The following TM6SF1 variants were observed in gnomAD, a reference collection of about 807,000 sequenced individuals.
The protein encoded by TM6SF1 is transmembrane 6 superfamily member 1.
In TM6SF1, 43 loss-of-function variants were observed where a neutral mutation model predicts 47.1. The ratio of observed to expected loss-of-function variants is 0.91; its 90% CI spans 0.72 to 1.18. TM6SF1 has a LOEUF of 1.18. Ranked by LOEUF, TM6SF1 falls within the 50% of genes most tolerant of loss-of-function variation. The pLI, the probability that TM6SF1 is intolerant of heterozygous loss-of-function variation, is 0.00. For missense variants in TM6SF1, 390 were observed against 449.0 expected (o/e 0.87, Z 1.19); for synonymous variants, 177 against 166.3 (o/e 1.06, Z -0.49).
At chr15:83,114,079 T>G (rs536426965) in intron 2 of TM6SF1, 18 of 152,382 alleles carry the variant, frequency 1.2e-4, no homozygotes, top group Admixed American at 9.8e-4. Flanking sequence ...AAGGCCCACA[T>G]GCCTTTTCCT....
chr15:83,108,247 G>A (rs1398455281), intron 1 of TM6SF1, among the ~76,000 whole-genome samples: 1 of 152,152 alleles, frequency 6.6e-6, no homozygotes, highest in Non-Finnish European at 1.5e-5. Flanking sequence ...AGCAGAAATA[G>A]CCCGGAACCA....
intron 4 of TM6SF1, among the ~76,000 whole-genome samples, chr15:83,120,364 A>G (rs1322056110): frequency 3.9e-5 from 6 of 152,190 alleles, no homozygotes; most frequent in Admixed American, 1.3e-4. Context: ...CCATGGTGGC[A>G]CACCCACAGC....
intron 3 of TM6SF1, among the ~76,000 whole-genome samples, chr15:83,118,264 CAT>C (rs1319747551): frequency 4.5e-4 from 65 of 145,864 alleles, no homozygotes; most frequent in South Asian, 1.5e-3. Context: ...CACACACACA[CAT>C]ACAGAGAGAG....
rs752875343 is a variant in TM6SF1 at position 83,126,852 on chromosome 15, A to G, written c.801+5A>G. On this transcript the variant is annotated splice_donor_5th_base_variant and intron_variant, in intron 8 of 9. Transcript: ENST00000322019. ...GCTGCTTATCCTAAAATTCAGGTCA[A>G]GTAGTTATGAAGCCTAAGATTTTTC... The G allele has an allele frequency of 2.5e-6, 4 of 1,603,514 alleles. No homozygotes were observed. Among genetic ancestry groups the G allele is most frequent in the Non-Finnish European group, 3.4e-6 (4 of 1,173,528 alleles).
chr15:83,135,477 AT>A (rs910595055), intron 9 of TM6SF1: 4 of 152,164 alleles, frequency 2.6e-5, no homozygotes, highest in African/African-American at 9.7e-5. Flanking sequence ...CCAATCCTTT[AT>A]TCATGTGTAT....
rs2035786351 is a variant in TM6SF1, at chr15:83,126,741, A to C, written c.709-14A>C. 6.2e-7 allele frequency: 1 copy of C among 1,601,670 alleles called. No homozygotes were observed. The highest frequency in any genetic ancestry group is 1.3e-5 in the African/African-American group (1 of 74,332). ...GTGATTGTATTTTTATAATGAGTTT[A>C]TTTTTGTCCTTAGATTGCTTTGGAT... On this transcript the variant is annotated splice_polypyrimidine_tract_variant and intron_variant, in intron 7 of 9. Transcript: ENST00000322019.
At chr15:83,117,750 T>C (rs572672965) in intron 3 of TM6SF1, among the ~76,000 whole-genome samples, 2 of 152,156 alleles carry the variant, frequency 1.3e-5, no homozygotes, top group East Asian at 3.9e-4. Context: ...TCCAGCAGGC[T>C]GTGACAAGTT....
In TM6SF1 at chr15:83,122,723, T is replaced by C. The variant is rs191037913; in HGVS notation, c.482-34T>C. On this transcript the variant is annotated intron_variant, in intron 5 of 9. Transcript: ENST00000322019. ...ATATTACTTGTGTTAGATATGCTTT[T>C]GGTAACTTCTTTCTCTTTCTCTCTT... 13 of 1,607,030 alleles carry C rather than the reference T, an allele frequency of 8.1e-6. No homozygotes were observed. In the Admixed American group the frequency reaches 1.4e-4, roughly 17 times the overall value.
intron 2 of TM6SF1, 136 bp downstream of exon 2, chr15:83,113,036 G>A: frequency 2.7e-6 from 2 of 730,834 alleles, no homozygotes; most frequent in Non-Finnish European, 4.7e-6. Flanking sequence ...GGGTGTTTCA[G>A]GACAATCTGG....
chr15:83,123,705 A>G (rs1373597256), intron 6 of TM6SF1, among the ~76,000 whole-genome samples: 1 of 152,246 alleles, frequency 6.6e-6, no homozygotes, highest in Non-Finnish European at 1.5e-5. Context: ...CTCTGAGGAA[A>G]GAGGTGGCTG....
intron 4 of TM6SF1, 93 bp downstream of exon 4, chr15:83,119,774 G>A: frequency 6.3e-7 from 1 of 1,578,566 alleles, no homozygotes; most frequent in Non-Finnish European, 8.6e-7. Context: ...AAATACACAA[G>A]CAGGTATACT....
At chr15:83,135,105 A>C (rs1434106904) in intron 9 of TM6SF1, 1 of 152,202 alleles carries the variant, frequency 6.6e-6, no homozygotes, top group East Asian at 1.9e-4. Flanking sequence ...ACATCATGCT[A>C]ATTTAATTTA....
chr15:83,124,981 G>A (rs938068417), intron 7 of TM6SF1, among the ~76,000 whole-genome samples: 1 of 152,114 alleles, frequency 6.6e-6, no homozygotes, highest in Non-Finnish European at 1.5e-5. Flanking sequence ...CCTGTCCTTA[G>A]ATCAAGCTCT....
rs150827850 is a variant in TM6SF1, at chr15:83,121,993, A to G, written c.471A>G (p.Gly157=). Residue 157 remains glycine (G), a synonymous_variant, in exon 5 of 10, where the codon GGA becomes GGG. Coordinates refer to ENST00000322019, the MANE Select transcript of TM6SF1 (RefSeq NM_023003.5). The part of the protein sequence containing the change: ...IIMSVVVFVP[G]NIVGKYGTRI... ...TGAGTGTTGTTGTTTTTGTGCCAGG[A>G]AACATTGTAGGTAAGAAACTTTATC... The G allele has an allele frequency of 7.4e-6, 12 of 1,610,774 alleles. No homozygotes were observed. The African/African-American group carries it at 8.0e-5, about 11-fold the overall frequency.
chr15:83,111,655 T>C, intron 1 of TM6SF1: 1 of 985,426 alleles, frequency 1.0e-6, no homozygotes, highest in Non-Finnish European at 1.2e-6. Flanking sequence ...GTGGTGCTTG[T>C]AGCTGCTCCA....
intron 4 of TM6SF1, among the ~76,000 whole-genome samples, chr15:83,120,845 C>T (rs1229997876): frequency 3.3e-5 from 5 of 151,288 alleles, no homozygotes; most frequent in African/African-American, 4.9e-5. Flanking sequence ...GGATTACAGG[C>T]GTGAACCACC....
In TM6SF1 at chr15:83,136,836, T is replaced by C; in HGVS notation, c.*164T>C. 1 of 473,554 alleles carries C rather than the reference T, an allele frequency of 2.1e-6. No homozygotes were observed. The highest frequency in any genetic ancestry group is 3.5e-6 in the Non-Finnish European group (1 of 283,294). The allele number at this position is 473,554 out of a possible 1,614,324, so 29.3% of individuals were successfully genotyped here. On this transcript the variant is annotated 3_prime_UTR_variant, in exon 10 of 10. Coordinates refer to ENST00000322019, the MANE Select transcript of TM6SF1 (RefSeq NM_023003.5). Reference sequence around the variant, plus strand: ...CTATATGGTATTGTGTAAATTTTTTTTGAAGGAAAATGGAAATTCTTGAGA... The same window carrying C: ...CTATATGGTATTGTGTAAATTTTTTCTGAAGGAAAATGGAAATTCTTGAGA...
intron 1 of TM6SF1, among the ~76,000 whole-genome samples, chr15:83,112,108 C>T (rs2034241942): frequency 6.6e-6 from 1 of 152,094 alleles, no homozygotes; most frequent in Non-Finnish European, 1.5e-5. Context: ...TGGTGCCACT[C>T]CCTTTCCTGT....
intron 2 of TM6SF1, chr15:83,113,615 C>T (rs578030084): frequency 2.6e-4 from 39 of 152,578 alleles, no homozygotes; most frequent in African/African-American, 8.9e-4. Context: ...CACCCCAAGT[C>T]CTACAGCAAC....
Sources: allele counts gnomAD v4.1 joint callset (sites outside exome capture counted in the v4.1 genomes callset), GRCh38; gene constraint gnomAD v4.1.1; transcripts MANE v1.5; gene names NCBI Gene and HGNC (gene_info 2026-07-23, HGNC 2026-07-21).